ASCC3: variants seen among roughly 807,000 people sequenced by gnomAD.
The protein encoded by ASCC3 is activating signal cointegrator 1 complex subunit 3.
In ASCC3, 158 loss-of-function variants were observed where a neutral mutation model predicts 256.3. The ratio of observed to expected loss-of-function variants is 0.62; its 90% CI spans 0.54 to 0.70. The LOEUF is 0.70. Among genes scored for constraint, ASCC3 ranks in the 30% least tolerant of loss-of-function variants. The pLI, the probability that ASCC3 is intolerant of heterozygous loss-of-function variation, is 0.00. For missense variants in ASCC3, 2,259 were observed against 2,626.0 expected, an observed-to-expected ratio of 0.86 and a Z score of 3.05; for synonymous variants, 948 against 883.4, an observed-to-expected ratio of 1.07 and a Z score of -1.30.
chr6:100,728,052 G>T (rs117039569), intron 10 of ASCC3, among the ~76,000 whole-genome samples: 2,051 of 152,098 alleles, frequency 0.013, 19 homozygotes, highest in East Asian at 0.044. Flanking sequence ...CAATCAAATT[G>T]TCTAAGTAGA....
chr6:100,581,953 T>C (rs1490101154), intron 36 of ASCC3, among the ~76,000 whole-genome samples: 5 of 152,126 alleles, frequency 3.3e-5, no homozygotes, highest in Non-Finnish European at 7.3e-5. Flanking sequence ...ATCTCTGTTT[T>C]GGTACCAGTA....
chr6:100,811,176 C>T (rs1770450255), intron 4 of ASCC3, among the ~76,000 whole-genome samples: 1 of 152,118 alleles, frequency 6.6e-6, no homozygotes, highest in Non-Finnish European at 1.5e-5. Context: ...TGTCCAACTC[C>T]AGTTTTTCCA....
At chr6:100,607,699 T>A (rs1448238247) in intron 30 of ASCC3, among the ~76,000 whole-genome samples, 1 of 151,792 alleles carries the variant, frequency 6.6e-6, no homozygotes, top group African/African-American at 2.4e-5. Context: ...ATATGTAAAT[T>A]TAGTAATGAT....
chr6:100,606,887 A>C (rs781112138), intron 31 of ASCC3, 27 bp from the exon 32 acceptor site: 1 of 1,605,240 alleles, frequency 6.2e-7, no homozygotes, highest in Non-Finnish European at 8.5e-7. Flanking sequence ...AATATCTTAT[A>C]TCTAAGTAAA....
chr6:100,619,843 G>T (rs1773856769), intron 30 of ASCC3, among the ~76,000 whole-genome samples: 1 of 152,066 alleles, frequency 6.6e-6, no homozygotes, highest in African/African-American at 2.4e-5. Flanking sequence ...AGAATACTGA[G>T]ATGGGCTTGC....
At chr6:100,678,454 T>C (rs1777136825) in intron 14 of ASCC3, among the ~76,000 whole-genome samples, 1 of 152,026 alleles carries the variant, frequency 6.6e-6, no homozygotes, top group South Asian at 2.1e-4. Context: ...GTTTCTAAAT[T>C]GAAAGAGACT....
At chr6:100,601,102 A>C (rs1056657425) in intron 34 of ASCC3, among the ~76,000 whole-genome samples, 1 of 152,042 alleles carries the variant, frequency 6.6e-6, no homozygotes, top group Non-Finnish European at 1.5e-5. Context: ...ATTCTGCCTG[A>C]AGTGCCTTCC....
intron 4 of ASCC3, among the ~76,000 whole-genome samples, chr6:100,838,620 T>A (rs952057309): frequency 6.6e-6 from 1 of 152,066 alleles, no homozygotes; most frequent in African/African-American, 2.4e-5. Flanking sequence ...AAAACCAAGG[T>A]CACTTACAAC....
intron 4 of ASCC3, among the ~76,000 whole-genome samples, chr6:100,813,371 A>G (rs1036711009): frequency 1.3e-5 from 2 of 151,938 alleles, no homozygotes; most frequent in African/African-American, 2.4e-5. Context: ...CAGGAAAAGC[A>G]CTTGAACCTG....
intron 27 of ASCC3, among the ~76,000 whole-genome samples, chr6:100,628,576 C>T (rs796982552): frequency 6.6e-6 from 1 of 151,868 alleles, no homozygotes; most frequent in Non-Finnish European, 1.5e-5. Context: ...TGTAGCACCT[C>T]GCCCACCACC....
rs577064371 is a variant in ASCC3 at position 100,750,117 on chromosome 6, A to G, written c.1737+16448T>C. 5.3e-5 allele frequency among the ~76,000 whole-genome samples: 8 copies of G among 152,114 alleles called. 1 individual carries two copies. The South Asian group carries it at 1.4e-3, about 28-fold the overall frequency. ...ACCAAAATAACTGCCCCCAAACAAT[A>G]GAAAACTTGCTTCAGATCAAGAACT... On this transcript the variant is annotated intron_variant, in intron 10 of 41. Transcript: ENST00000369162.
intron 4 of ASCC3, among the ~76,000 whole-genome samples, chr6:100,820,143 G>A (rs1770965638): frequency 1.3e-5 from 2 of 152,124 alleles, no homozygotes; most frequent in Non-Finnish European, 1.5e-5. Flanking sequence ...AAATTAACAG[G>A]CTGATTCTAA....
chr6:100,871,096 CT>C (rs565312321), intron 1 of ASCC3, among the ~76,000 whole-genome samples: 2,401 of 146,242 alleles, frequency 0.016, 57 homozygotes, highest in African/African-American at 0.055. Context: ...GTCTTTTATT[CT>C]TTTTTTTTTT....
At chr6:100,628,275 T>C (rs1400148991) in intron 27 of ASCC3, among the ~76,000 whole-genome samples, 1 of 151,540 alleles carries the variant, frequency 6.6e-6, no homozygotes, top group African/African-American at 2.4e-5. Context: ...GAATAGAGAG[T>C]TGGTGGTCAA....
intron 30 of ASCC3, among the ~76,000 whole-genome samples, chr6:100,624,221 T>A: frequency 6.6e-6 from 1 of 151,726 alleles, no homozygotes; most frequent in Non-Finnish European, 1.5e-5. Flanking sequence ...GAAATACACA[T>A]ATATGAAGAA....
Position 100,723,939 on chromosome 6 carries a change from T to C in ASCC3, c.1902+1600A>G, listed in dbSNP as rs556251589. On this transcript the variant is annotated intron_variant, in intron 11 of 41. Transcript: ENST00000369162. Reference sequence around the variant, plus strand: ...GACACATATATATAATATATATATATACACACACACATGCATATACATCAT... The same window carrying C: ...GACACATATATATAATATATATATACACACACACACATGCATATACATCAT... 8.1e-4 allele frequency among the ~76,000 whole-genome samples: 115 copies of C among 141,544 alleles called. 2 individuals carry two copies. The highest frequency in any genetic ancestry group is 2.0e-3 in the African/African-American group (76 of 38,730). 92.9% of individuals were successfully genotyped at this position (141,544 alleles called of 152,430 possible).
chr6:100,671,907 T>C (rs1776768717), intron 14 of ASCC3, among the ~76,000 whole-genome samples: 1 of 152,096 alleles, frequency 6.6e-6, no homozygotes. Context: ...GGTCCTTGCC[T>C]AGATTAGACT....
intron 37 of ASCC3, among the ~76,000 whole-genome samples, chr6:100,538,915 A>C (rs1389608248): frequency 2.0e-5 from 3 of 152,244 alleles, no homozygotes; most frequent in South Asian, 2.1e-4. Flanking sequence ...TAGAAAATCG[A>C]AATCCTTTAT....
At chr6:100,788,616 G>T (rs1051481173) in intron 8 of ASCC3, among the ~76,000 whole-genome samples, 1 of 151,148 alleles carries the variant, frequency 6.6e-6, no homozygotes, top group Non-Finnish European at 1.5e-5. Flanking sequence ...ATACGTTTCA[G>T]CCATGAAAAA....
Sources: allele counts gnomAD v4.1 joint callset (sites outside exome capture counted in the v4.1 genomes callset), GRCh38; gene constraint gnomAD v4.1.1; transcripts MANE v1.5; gene names NCBI Gene and HGNC (gene_info 2026-07-23, HGNC 2026-07-21).